CLVS1: variants seen among roughly 807,000 people sequenced by gnomAD.
The protein encoded by CLVS1 is clavesin-1.
In CLVS1, 10 loss-of-function variants were observed where a neutral mutation model predicts 33.1. The ratio of observed to expected loss-of-function variants is 0.30; its 90% confidence interval spans 0.19 to 0.51. The LOEUF is 0.51. CLVS1 is among the 20% of genes least tolerant of loss of function. The pLI is 0.97. For missense variants in CLVS1, 343 were observed against 433.4 expected (o/e 0.79, Z 1.85); for synonymous variants, 163 against 166.1 (o/e 0.98, Z 0.14).
intron 5 of CLVS1, among the ~76,000 whole-genome samples, chr8:61,481,681 G>C (rs34577304): frequency 0.57 from 86,128 of 152,086 alleles, 27,955 homozygotes; most frequent in Non-Finnish European, 0.72. Flanking sequence ...GGCTTGAGTA[G>C]GTAAACAAAG....
chr8:61,451,746 G>A (rs1012918841), intron 3 of CLVS1, among the ~76,000 whole-genome samples: 2 of 151,910 alleles, frequency 1.3e-5, no homozygotes, highest in African/African-American at 2.4e-5. Flanking sequence ...TGTTGACCAT[G>A]AGAGGGGTGT....
intron 2 of CLVS1, among the ~76,000 whole-genome samples, chr8:61,232,386 A>G (rs1301499765): frequency 6.6e-6 from 1 of 152,084 alleles, no homozygotes; most frequent in Middle Eastern, 3.2e-3. Flanking sequence ...GGAGACCTCC[A>G]GTTAGCTACA....
intron 2 of CLVS1, among the ~76,000 whole-genome samples, chr8:61,278,182 C>T (rs1206716642): frequency 6.6e-6 from 1 of 152,154 alleles, no homozygotes; most frequent in Admixed American, 6.5e-5. Context: ...GCTCAACAGT[C>T]CTTCATATTT....
intron 3 of CLVS1, chr8:61,377,677 A>G (rs1479678302): frequency 6.6e-6 from 1 of 152,190 alleles, no homozygotes; most frequent in African/African-American, 2.4e-5. Flanking sequence ...ACTCCACTGC[A>G]ATAATTGGTG....
At chr8:61,193,873 A>G (rs1239148322) in intron 2 of CLVS1, among the ~76,000 whole-genome samples, 1 of 152,144 alleles carries the variant, frequency 6.6e-6, no homozygotes, top group Non-Finnish European at 1.5e-5. Context: ...AAACAATAGT[A>G]TTAATGTCTT....
intron 2 of CLVS1, among the ~76,000 whole-genome samples, chr8:61,321,425 A>T (rs1435158010): frequency 6.6e-6 from 1 of 150,634 alleles, no homozygotes; most frequent in African/African-American, 2.4e-5. Context: ...TGCCTATAAG[A>T]TTCTCTCCTA....
At chr8:61,227,937 T>G (rs1808362922) in intron 2 of CLVS1, among the ~76,000 whole-genome samples, 2 of 152,094 alleles carry the variant, frequency 1.3e-5, no homozygotes, top group African/African-American at 4.8e-5. Context: ...TGAAGCCTGG[T>G]GTGAAGAGGA....
At chr8:61,200,864 T>C (rs1018239964) in intron 2 of CLVS1, among the ~76,000 whole-genome samples, 1 of 152,244 alleles carries the variant, frequency 6.6e-6, no homozygotes, top group African/African-American at 2.4e-5. Flanking sequence ...CTCTTATTGA[T>C]TGTTGATTTT....
the CLVS1 span, among the ~76,000 whole-genome samples, chr8:61,017,783 G>C: frequency 7.5e-5 from 11 of 146,992 alleles, no homozygotes; most frequent in Non-Finnish European, 1.6e-4. Context: ...GATCAGGGCT[G>C]GGGGGGCTCC....
chr8:61,325,638 T>TTA (rs1169840684), intron 2 of CLVS1, among the ~76,000 whole-genome samples: 1 of 152,196 alleles, frequency 6.6e-6, no homozygotes, highest in Non-Finnish European at 1.5e-5. Context: ...AGATGTTCTT[T>TTA]TATCTAGCTG....
intron 2 of CLVS1, among the ~76,000 whole-genome samples, chr8:61,232,728 G>C (rs1222041868): frequency 6.6e-6 from 1 of 152,108 alleles, no homozygotes; most frequent in Non-Finnish European, 1.5e-5. Context: ...CTCTGCCTTG[G>C]ACTTTTTGAC....
chr8:61,501,048 A>C lies in CLVS1; in HGVS notation c.*1506A>C, dbSNP rs1377722390. 2 of 152,166 alleles carry C rather than the reference A, an allele frequency of 1.3e-5. No individual in the cohort carries two copies. The highest frequency in any genetic ancestry group is 2.9e-5 in the Non-Finnish European group (2 of 68,034). 9.4% of individuals were successfully genotyped at this position (152,166 alleles called of 1,614,324 possible). A position where few individuals can be genotyped will look rare whatever the true frequency, so the allele number is the denominator to read the frequency against. The stretch of plus-strand genomic sequence containing the variant: ...TATACACTTGGAGAAATAAAGTTGA[A>C]ACAGAATTAAAAATATTTCTCAAAC... On this transcript the variant is annotated 3_prime_UTR_variant, in exon 6 of 6. Transcript: ENST00000325897.
intron 2 of CLVS1, among the ~76,000 whole-genome samples, chr8:61,169,357 A>T (rs1274244970): frequency 6.6e-6 from 1 of 152,202 alleles, no homozygotes. Flanking sequence ...AAGTTCCTTT[A>T]CCTAACTGAA....
chr8:61,034,023 C>T, the CLVS1 span, among the ~76,000 whole-genome samples: 5 of 152,182 alleles, frequency 3.3e-5, no homozygotes, highest in South Asian at 2.1e-4. Flanking sequence ...ACAAGTTCAG[C>T]GGGAGAGGCC....
At chr8:61,027,026 G>A in the CLVS1 span, among the ~76,000 whole-genome samples, 254 of 152,244 alleles carry the variant, frequency 1.7e-3, 1 homozygote, top group African/African-American at 5.8e-3. Flanking sequence ...AGAACCTGCA[G>A]GATTACTAAT....
At chr8:61,469,362 C>T (rs1275019267) in intron 5 of CLVS1, among the ~76,000 whole-genome samples, 4 of 152,168 alleles carry the variant, frequency 2.6e-5, no homozygotes, top group Non-Finnish European at 4.4e-5. Flanking sequence ...TCTGTAAATA[C>T]CCCTCCTAGA....
At position 61,088,487 on chromosome 8, in the gene CLVS1, C is replaced by CAAAA. The variant is rs59394782; in HGVS notation, c.-243+31273_-243+31276dup. Among the ~76,000 whole-genome samples the CAAAA allele has an allele frequency of 2.2e-3, 235 of 105,298 alleles. 9 individuals are homozygous for CAAAA. The highest frequency in any genetic ancestry group is 0.017 in the East Asian group (65 of 3,738). The allele number at this position is 105,298 out of a possible 152,430, so 69.1% of individuals were successfully genotyped here. On this transcript the variant is annotated intron_variant, in intron 1 of 2. Coordinates refer to the CLVS1 transcript ENST00000522621. ...CCAAGGTAACAGAGCGAGACTGTCT[C>CAAAA]AAAAAAAAAAAAAAAAAAAGGAGCA...
chr8:61,298,677 T>C (rs192105145), intron 1 of CLVS1, among the ~76,000 whole-genome samples: 1 of 152,310 alleles, frequency 6.6e-6, no homozygotes, highest in East Asian at 1.9e-4. Flanking sequence ...AGTTTATTTA[T>C]ATTTAGTGTG....
intron 1 of CLVS1, among the ~76,000 whole-genome samples, chr8:61,069,448 C>T (rs1804750431): frequency 6.6e-6 from 1 of 151,502 alleles, no homozygotes; most frequent in Non-Finnish European, 1.5e-5. Context: ...CCCTTCCTTC[C>T]TTTTGAAAGT....
Sources: gnomAD v4.1 joint callset for allele counts (sites outside exome capture counted in the v4.1 genomes callset) on GRCh38, gnomAD v4.1.1 for gene constraint, MANE v1.5 for transcripts, NCBI Gene and HGNC (gene_info 2026-07-23, HGNC 2026-07-21) for gene names.